Variants in KCNQ1OT1 observed in about 807,000 individuals in gnomAD.
KCNQ1OT1 encodes KCNQ1 antisense RNA 2 (non-protein coding).
chr11:2,661,982 T>C lies in KCNQ1OT1; in HGVS notation n.38013A>G, dbSNP rs544402388. The C allele has an allele frequency of 1.9e-6, 3 of 1,614,224 alleles. No individual in the cohort carries two copies. The highest frequency in any genetic ancestry group is 4.5e-5 in the East Asian group (2 of 44,876). The stretch of plus-strand genomic sequence containing the variant: ...TCAGTAAGGAAGAGCCCAACACTGC[T>C]GGAAGTGAGCATGCCCCATTTCATG... On this transcript the variant is annotated non_coding_transcript_exon_variant, in exon 1 of 1. Transcript: ENST00000597346. The surrounding 1 kb of genome is among the most constrained non-coding windows in gnomAD (Gnocchi z 5.9).
rs181346990 is a variant in KCNQ1OT1, at chr11:2,613,441, A to G, written n.86554T>C. 569 of 398,536 alleles carry G rather than the reference A, an allele frequency of 1.4e-3. 1 individual carries two copies. Among genetic ancestry groups the G allele is most frequent in the African/African-American group, 1.0e-2 (487 of 48,708 alleles). 24.7% of individuals were successfully genotyped at this position (398,536 alleles called of 1,614,324 possible). ...CTTAACATAGTGCATAGGGTTTTCT[A>G]TGGAATTCAAAATCAGATGAGCCTT... On this transcript the variant is annotated non_coding_transcript_exon_variant, in exon 1 of 1. Coordinates refer to ENST00000597346, the Ensembl canonical transcript of KCNQ1OT1. The surrounding 1 kb of genome is among the most constrained non-coding windows in gnomAD (Gnocchi z 4.8).
At chr11:2,616,436 T>C (rs1849065678) in exon 1 of KCNQ1OT1, 1 of 397,842 alleles carries the variant, frequency 2.5e-6, no homozygotes, top group Admixed American at 4.4e-5. Flanking sequence ...TCTTTTAACT[T>C]TAGGTTTACT....
chr11:2,662,114 T>C, exon 1 of KCNQ1OT1: 3 of 1,613,690 alleles, frequency 1.9e-6, no homozygotes. Context: ...AGGGCTGGGC[T>C]GGAGGGGACT....
At chr11:2,639,226 T>C (rs1328362079) in exon 1 of KCNQ1OT1, 1 of 152,236 alleles carries the variant, frequency 6.6e-6, no homozygotes, top group African/African-American at 2.4e-5. Context: ...TCAAAGTCAT[T>C]CTCCGTCCAG....
exon 1 of KCNQ1OT1, chr11:2,696,453 C>T (rs1337746768): frequency 2.5e-6 from 1 of 398,574 alleles, no homozygotes; most frequent in Non-Finnish European, 4.4e-6. Context: ...TCTGTCACCA[C>T]ACCGCTCTGA....
At chr11:2,640,582 C>T (rs1278872837) in exon 1 of KCNQ1OT1, 20 of 392,146 alleles carry the variant, frequency 5.1e-5, no homozygotes, top group Admixed American at 1.4e-4. Context: ...TTTTTTTGAC[C>T]GATACATAAT....
chr11:2,663,606 T>C lies in KCNQ1OT1; in HGVS notation n.36389A>G. On this transcript the variant is annotated non_coding_transcript_exon_variant, in exon 1 of 1. Transcript: ENST00000597346. The surrounding 1 kb of genome is among the most constrained non-coding windows in gnomAD (Gnocchi z 5.2). ...GAGCTCTCGCTCACCTTGGTTCTCT[T>C]GGTCACGGACCAGCATCCAGACATG... 5.0e-6 allele frequency: 2 copies of C among 398,692 alleles called. No individual in the cohort carries two copies. The highest frequency in any genetic ancestry group is 8.8e-6 in the Non-Finnish European group (2 of 226,114). The allele number at this position is 398,692 out of a possible 1,614,324, so 24.7% of individuals were successfully genotyped here. A position where few individuals can be genotyped will look rare whatever the true frequency, so the allele number is the denominator to read the frequency against.
exon 1 of KCNQ1OT1, chr11:2,667,093 T>C (rs1235233776): frequency 3.5e-5 from 14 of 398,476 alleles, no homozygotes; most frequent in Non-Finnish European, 5.3e-5. Context: ...GTTCTTCTAA[T>C]TAAATTAAAA....
rs1850593732 is a variant in KCNQ1OT1, at chr11:2,691,835, G to A, written n.8160C>T. On this transcript the variant is annotated non_coding_transcript_exon_variant, in exon 1 of 1. Transcript: ENST00000597346. The surrounding 1 kb of genome is among the most constrained non-coding windows in gnomAD (Gnocchi z 6.4). Reference sequence around the variant, plus strand: ...CTGGATCCAATGTGACCTCTGCCAGGACCATGACCCCTAGGTCCTCTTTTC... The same window carrying A: ...CTGGATCCAATGTGACCTCTGCCAGAACCATGACCCCTAGGTCCTCTTTTC... 2.5e-6 allele frequency: 1 copy of A among 398,532 alleles called. No individual in the cohort carries two copies. The highest frequency in any genetic ancestry group is 4.4e-6 in the Non-Finnish European group (1 of 226,122). The allele number at this position is 398,532 out of a possible 1,614,324, so 24.7% of individuals were successfully genotyped here. A position where few individuals can be genotyped will look rare whatever the true frequency, so the allele number is the denominator to read the frequency against.
At chr11:2,631,441 T>C (rs35469749) in exon 1 of KCNQ1OT1, 10,119 of 398,534 alleles carry the variant, frequency 0.025, 194 homozygotes, top group Middle Eastern at 0.044. Flanking sequence ...TTTTTTAGGA[T>C]TTCTATTTCT....
In KCNQ1OT1 at chr11:2,674,125, C is replaced by T. The variant is rs979079484; in HGVS notation, n.25870G>A. The T allele has an allele frequency of 2.0e-5, 8 of 398,460 alleles. No individual in the cohort carries two copies. The highest frequency in any genetic ancestry group is 1.3e-4 in the South Asian group (1 of 7,846). 24.7% of individuals were successfully genotyped at this position (398,460 alleles called of 1,614,324 possible). A position where few individuals can be genotyped will look rare whatever the true frequency, so the allele number is the denominator to read the frequency against. The stretch of plus-strand genomic sequence containing the variant: ...GAGGGAGGTGTGGAAGCTGGTTTGC[C>T]GGGGCCACCCAGTGTGGGCTCAGGA... On this transcript the variant is annotated non_coding_transcript_exon_variant, in exon 1 of 1. Coordinates refer to ENST00000597346, the Ensembl canonical transcript of KCNQ1OT1. This position sits in a 1 kb window ranked among gnomAD's most constrained non-coding sequence, Gnocchi z 5.9.
chr11:2,698,512 G>A lies in KCNQ1OT1; in HGVS notation n.1483C>T. The stretch of plus-strand genomic sequence containing the variant: ...TTCTACCACTACCTCTCACCTGGCA[G>A]GTGATCACCACCCCCAACTCAGACT... On this transcript the variant is annotated non_coding_transcript_exon_variant, in exon 1 of 1. Transcript: ENST00000597346. This position sits in a 1 kb window ranked among gnomAD's most constrained non-coding sequence, Gnocchi z 5.1. 2.5e-6 allele frequency: 1 copy of A among 398,492 alleles called. No homozygotes were observed. Among genetic ancestry groups the A allele is most frequent in the Non-Finnish European group, 4.4e-6 (1 of 226,060 alleles). The allele number at this position is 398,492 out of a possible 1,614,324, so 24.7% of individuals were successfully genotyped here.
chr11:2,672,134 C>T, exon 1 of KCNQ1OT1: 1 of 398,752 alleles, frequency 2.5e-6, no homozygotes, highest in Non-Finnish European at 4.4e-6. Flanking sequence ...CTAATCCTCC[C>T]TCTTTGGGCC....
chr11:2,621,630 A>C lies in KCNQ1OT1; in HGVS notation n.78365T>G, dbSNP rs1435160644. On this transcript the variant is annotated non_coding_transcript_exon_variant, in exon 1 of 1. Coordinates refer to ENST00000597346, the Ensembl canonical transcript of KCNQ1OT1. This position sits in a 1 kb window ranked among gnomAD's most constrained non-coding sequence, Gnocchi z 5.7. ...CTTAGCAGGTTGGTTTTTTTCTAGG[A>C]ATTTGTCCATTTCCTCTAGGTTATC... is the stretch of plus-strand genomic sequence containing the variant. The C allele has an allele frequency of 2.5e-6, 1 of 398,252 alleles. No individual in the cohort carries two copies. Among genetic ancestry groups the C allele is most frequent in the Admixed American group, 4.4e-5 (1 of 22,712 alleles). 24.7% of individuals were successfully genotyped at this position (398,252 alleles called of 1,614,324 possible).
exon 1 of KCNQ1OT1, chr11:2,632,274 G>A (rs1344046522): frequency 2.5e-6 from 1 of 394,962 alleles, no homozygotes; most frequent in Non-Finnish European, 4.4e-6. Context: ...TTCAGTTTTT[G>A]TGGTGAGTTT....
chr11:2,692,632 G>C, exon 1 of KCNQ1OT1: 1 of 398,676 alleles, frequency 2.5e-6, no homozygotes, highest in Non-Finnish European at 4.4e-6. Context: ...TGTGCTCCCA[G>C]GCCTCAGCAC....
rs140387964 is a variant in KCNQ1OT1 at position 2,687,233 on chromosome 11, C to T, written n.12762G>A. On this transcript the variant is annotated non_coding_transcript_exon_variant, in exon 1 of 1. Coordinates refer to ENST00000597346, the Ensembl canonical transcript of KCNQ1OT1. The surrounding 1 kb of genome is among the most constrained non-coding windows in gnomAD (Gnocchi z 5.0). Reference sequence around the variant, plus strand: ...TGTTGGGAAATGTGCAATTTTCACTCAGCCAGCATCACTACCAGCTCCGGG... The same window carrying T: ...TGTTGGGAAATGTGCAATTTTCACTTAGCCAGCATCACTACCAGCTCCGGG... 700 of 398,656 alleles carry T rather than the reference C, an allele frequency of 1.8e-3. 14 individuals carry two copies. The East Asian group carries it at 0.023, about 13-fold the overall frequency. 24.7% of individuals were successfully genotyped at this position (398,656 alleles called of 1,614,324 possible). A position where few individuals can be genotyped will look rare whatever the true frequency, so the allele number is the denominator to read the frequency against.
In KCNQ1OT1 at chr11:2,668,318, T is replaced by C; in HGVS notation, n.31677A>G. 1 of 398,654 alleles carries C rather than the reference T, an allele frequency of 2.5e-6. No individual in the cohort carries two copies. The highest frequency in any genetic ancestry group is 4.4e-6 in the Non-Finnish European group (1 of 226,088). The allele number at this position is 398,654 out of a possible 1,614,324, so 24.7% of individuals were successfully genotyped here. On this transcript the variant is annotated non_coding_transcript_exon_variant, in exon 1 of 1. Coordinates refer to ENST00000597346, the Ensembl canonical transcript of KCNQ1OT1. This position sits in a 1 kb window ranked among gnomAD's most constrained non-coding sequence, Gnocchi z 4.3. ...TCAGGTTGCGTTTCTGGGGAATATATGCCTATGTGTGGAGCTGCAGGGTCC... is the reference window on the plus strand; with the variant it reads ...TCAGGTTGCGTTTCTGGGGAATATACGCCTATGTGTGGAGCTGCAGGGTCC...
chr11:2,671,485 A>T lies in KCNQ1OT1; in HGVS notation n.28510T>A, dbSNP rs752940536. 1.1e-4 allele frequency: 45 copies of T among 398,502 alleles called. No homozygotes were observed. Among genetic ancestry groups the T allele is most frequent in the Non-Finnish European group, 1.9e-4 (42 of 226,086 alleles). The allele number at this position is 398,502 out of a possible 1,614,324, so 24.7% of individuals were successfully genotyped here. A position where few individuals can be genotyped will look rare whatever the true frequency, so the allele number is the denominator to read the frequency against. ...CAGGGGATATACACAAAGATCTGAG[A>T]AAGGGATTATTTTTAGGGCCAATTC... On this transcript the variant is annotated non_coding_transcript_exon_variant, in exon 1 of 1. Coordinates refer to ENST00000597346, the Ensembl canonical transcript of KCNQ1OT1. The surrounding 1 kb of genome is among the most constrained non-coding windows in gnomAD (Gnocchi z 4.7).
Sources: allele counts gnomAD v4.1 joint callset, GRCh38; gene constraint gnomAD v4.1.1; non-coding constraint Gnocchi (gnomAD v3.1); transcripts MANE v1.5; gene names NCBI Gene and HGNC (gene_info 2026-07-23, HGNC 2026-07-21).